SLC8A1: variants seen among roughly 807,000 people sequenced by gnomAD.
SLC8A1 encodes solute carrier family 8 member A1, also known as sodium/calcium exchanger 1.
SLC8A1 carries 18 observed loss-of-function variants against 68.3 expected under a neutral mutation model. The observed-to-expected ratio is 0.26, with a 90% CI of 0.18 to 0.39. The LOEUF is 0.39. SLC8A1 is among the 10% of genes least tolerant of loss of function. The pLI is 1.00. For missense variants in SLC8A1, 985 were observed against 1,156.7 expected, an observed-to-expected ratio of 0.85 and a Z score of 2.15; for synonymous variants, 475 against 415.5, an observed-to-expected ratio of 1.14 and a Z score of -1.74.
chr2:40,385,151 T>A (rs11680043), intron 2 of SLC8A1, among the ~76,000 whole-genome samples: 1 of 152,098 alleles, frequency 6.6e-6, no homozygotes, highest in East Asian at 1.9e-4. Context: ...AATAGTACGG[T>A]CATTAATTGC....
chr2:40,359,703 A>G lies in SLC8A1; in HGVS notation c.1808+68770T>C, dbSNP rs564302164. On this transcript the variant is annotated intron_variant, in intron 2 of 7. Transcript: ENST00000406785. ...TTACTGAGAAACCCCAAAGGGCAGA[A>G]ATCATGTTGGGAAAACAAAGATACA... is the stretch of plus-strand genomic sequence containing the variant. 1.2e-4 allele frequency among the ~76,000 whole-genome samples: 18 copies of G among 152,276 alleles called. No homozygotes were observed. The East Asian group carries it at 2.5e-3, about 21-fold the overall frequency.
At chr2:40,460,671 A>G (rs1021861445) in intron 1 of SLC8A1, among the ~76,000 whole-genome samples, 12 of 151,786 alleles carry the variant, frequency 7.9e-5, no homozygotes, top group Non-Finnish European at 1.3e-4. Flanking sequence ...CCTGGGTTCA[A>G]GTGATTCTCC....
intron 2 of SLC8A1, among the ~76,000 whole-genome samples, chr2:40,396,471 T>C (rs1300879790): frequency 6.6e-6 from 1 of 152,030 alleles, no homozygotes; most frequent in African/African-American, 2.4e-5. Flanking sequence ...AGTGCAAATT[T>C]AAGATAATTA....
chr2:40,401,940 T>C (rs1401090881), intron 2 of SLC8A1, among the ~76,000 whole-genome samples: 1 of 152,162 alleles, frequency 6.6e-6, no homozygotes, highest in African/African-American at 2.4e-5. Context: ...GATTGCCCCA[T>C]ATCTAATTTT....
Position 40,416,054 on chromosome 2 carries a change from T to TTA in SLC8A1, c.1808+12418_1808+12419insTA, listed in dbSNP as rs1469774658. On this transcript the variant is annotated intron_variant, in intron 2 of 7. Transcript: ENST00000406785. ...TGACAGATTGAGCGAGGCTCTGTTT[T>TTA]AAAAAAAAAAAAAAAAAAAAAGCAA... 6.0e-5 allele frequency among the ~76,000 whole-genome samples: 7 copies of TTA among 116,260 alleles called. No homozygotes were observed. The East Asian group carries it at 1.3e-3, about 21-fold the overall frequency. 76.3% of individuals were successfully genotyped at this position (116,260 alleles called of 152,430 possible).
chr2:40,216,378 C>G (rs2057487542), intron 2 of SLC8A1, among the ~76,000 whole-genome samples: 1 of 152,116 alleles, frequency 6.6e-6, no homozygotes. Context: ...TGTATATGTA[C>G]CACATTTTCT....
At chr2:40,409,226 A>C (rs905699085) in intron 2 of SLC8A1, among the ~76,000 whole-genome samples, 7 of 152,150 alleles carry the variant, frequency 4.6e-5, no homozygotes, top group Non-Finnish European at 7.4e-5. Context: ...GTTGACTAAA[A>C]TACCCCTGTA....
intron 2 of SLC8A1, among the ~76,000 whole-genome samples, chr2:40,313,387 G>T (rs186790946): frequency 6.6e-6 from 1 of 151,948 alleles, no homozygotes. Context: ...ACAAGTCTTT[G>T]TATAGCTATA....
chr2:40,387,637 T>C (rs972592943), intron 2 of SLC8A1, among the ~76,000 whole-genome samples: 4 of 151,338 alleles, frequency 2.6e-5, no homozygotes, highest in African/African-American at 7.4e-5. Flanking sequence ...CAGGAGGATA[T>C]TAACTTGGGG....
chr2:40,171,595 T>C (rs2047504563), intron 4 of SLC8A1, among the ~76,000 whole-genome samples: 1 of 152,168 alleles, frequency 6.6e-6, no homozygotes, highest in Non-Finnish European at 1.5e-5. Flanking sequence ...ATGTATAATT[T>C]CAAGATGCAG....
chr2:40,261,356 T>C (rs1480660392), intron 2 of SLC8A1, among the ~76,000 whole-genome samples: 2 of 152,228 alleles, frequency 1.3e-5, no homozygotes, highest in African/African-American at 2.4e-5. Flanking sequence ...TATTTTTCCA[T>C]CTTGGCTAAA....
At chr2:40,110,805 G>T (rs997742479) in exon 8 of SLC8A1, 48 of 152,240 alleles carry the variant, frequency 3.2e-4, no homozygotes, top group African/African-American at 1.2e-3. Flanking sequence ...AGTCTTAAAG[G>T]GGCTGATTTA....
chr2:40,208,330 A>T (rs4952401), intron 2 of SLC8A1: 2 of 151,916 alleles, frequency 1.3e-5, no homozygotes, highest in Non-Finnish European at 2.9e-5. Context: ...CAGATCTAAA[A>T]TCTCAGATAT....
chr2:40,313,734 CA>C (rs1408653110), intron 2 of SLC8A1, among the ~76,000 whole-genome samples: 3 of 151,998 alleles, frequency 2.0e-5, no homozygotes, highest in Non-Finnish European at 4.4e-5. Context: ...CTACTCTATT[CA>C]GTGTGCATTA....
chr2:40,361,375 G>C (rs769511408), intron 2 of SLC8A1, among the ~76,000 whole-genome samples: 5 of 152,052 alleles, frequency 3.3e-5, no homozygotes, highest in South Asian at 4.2e-4. Flanking sequence ...TGGAAGATCA[G>C]TTGGGCACAT....
At chr2:40,485,337 T>G (rs943219874) in intron 1 of SLC8A1, among the ~76,000 whole-genome samples, 1 of 152,202 alleles carries the variant, frequency 6.6e-6, no homozygotes, top group Non-Finnish European at 1.5e-5. Context: ...TTTTCCTACT[T>G]ATTGGCCAGG....
At chr2:40,321,322 C>A (rs1209515786) in intron 2 of SLC8A1, among the ~76,000 whole-genome samples, 1 of 151,964 alleles carries the variant, frequency 6.6e-6, no homozygotes, top group East Asian at 1.9e-4. Flanking sequence ...CATTTATAAC[C>A]AGTATAACCA....
chr2:40,150,051 T>TAAA (rs56010293), intron 6 of SLC8A1, among the ~76,000 whole-genome samples: 12,553 of 121,496 alleles, frequency 0.1, 783 homozygotes, highest in East Asian at 0.17. Context: ...TCTTATTTGT[T>TAAA]AAAAAAAAAA....
intron 2 of SLC8A1, among the ~76,000 whole-genome samples, chr2:40,361,470 T>G (rs1464556652): frequency 6.6e-5 from 10 of 152,124 alleles, no homozygotes; most frequent in Non-Finnish European, 1.5e-4. Context: ...GAGCCTTTTT[T>G]TTTTTTTGTT....
Sources: gnomAD v4.1 joint callset for allele counts (sites outside exome capture counted in the v4.1 genomes callset) on GRCh38, gnomAD v4.1.1 for gene constraint, MANE v1.5 for transcripts, NCBI Gene and HGNC (gene_info 2026-07-23, HGNC 2026-07-21) for gene names.